Variants in ZNF516 observed in about 807,000 individuals in gnomAD.
ZNF516 encodes zinc finger protein 516.
A neutral mutation model predicts 79.7 loss-of-function variants in ZNF516; 19 were observed. That is an observed-to-expected ratio of 0.24 (90% CI 0.17 to 0.35). The LOEUF (loss-of-function observed/expected upper bound fraction) is 0.35, where lower values mean the gene tolerates loss of function less well. Among genes scored for constraint, ZNF516 ranks in the 10% least tolerant of loss-of-function variants. The probability of loss-of-function intolerance (pLI) is 1.00; values close to 1 mark genes in which losing one functional copy is unlikely to be tolerated. For synonymous variants in ZNF516, 877 were observed against 739.5 expected, an observed-to-expected ratio of 1.19 and a Z score of -3.02; for missense variants, 1,678 against 1,679.5, an observed-to-expected ratio of 1.00 and a Z score of 0.02.
chr18:76,439,681 T>G (rs1305612176), intron 3 of ZNF516, among the ~76,000 whole-genome samples: 1 of 152,160 alleles, frequency 6.6e-6, no homozygotes, highest in Non-Finnish European at 1.5e-5. Flanking sequence ...ATGAATCAGG[T>G]GACCACCATC....
At position 76,360,646 on chromosome 18, in the gene ZNF516, AATATATATATATATATATAT is replaced by A. The variant is rs61233300; in HGVS notation, c.*1832_*1851del. On this transcript the variant is annotated 3_prime_UTR_variant, in exon 7 of 7. Coordinates refer to ENST00000443185, the MANE Select transcript of ZNF516 (RefSeq NM_014643.4). ...AAAAAAATAAGTAAAAAAAAAAAAA[AATATATATATATATATATAT>A]ATATATATATATAAGCTAGCCAGTT... 1.4e-5 allele frequency: 1 copy of A among 72,494 alleles called. No individual in the cohort carries two copies. The highest frequency in any genetic ancestry group is 2.7e-5 in the Non-Finnish European group (1 of 36,934). 4.5% of individuals were successfully genotyped at this position (72,494 alleles called of 1,614,324 possible). A position where few individuals can be genotyped will look rare whatever the true frequency, so the allele number is the denominator to read the frequency against.
chr18:76,436,939 C>T (rs1001167100), intron 3 of ZNF516, among the ~76,000 whole-genome samples: 4 of 152,006 alleles, frequency 2.6e-5, no homozygotes, highest in African/African-American at 9.7e-5. Context: ...GTGTGGTGAC[C>T]GCCTGTAGTC....
chr18:76,412,346 A>G (rs2075381767), intron 3 of ZNF516, among the ~76,000 whole-genome samples: 1 of 151,856 alleles, frequency 6.6e-6, no homozygotes, highest in South Asian at 2.1e-4. Context: ...AAACAGGAAA[A>G]CCTGAAAACA....
intron 1 of ZNF516, among the ~76,000 whole-genome samples, chr18:76,482,559 A>G (rs369900307): frequency 9.4e-4 from 143 of 152,274 alleles, no homozygotes; most frequent in African/African-American, 3.3e-3. Context: ...TTCCAAGCGC[A>G]CTTAAGGTAG....
chr18:76,414,760 C>T (rs776587580), intron 3 of ZNF516, among the ~76,000 whole-genome samples: 21 of 152,234 alleles, frequency 1.4e-4, no homozygotes, highest in Non-Finnish European at 2.2e-4. Flanking sequence ...ATCATGTTCG[C>T]ACCAACTATG....
intron 4 of ZNF516, among the ~76,000 whole-genome samples, chr18:76,376,647 C>T (rs1322114740): frequency 6.6e-6 from 1 of 151,976 alleles, no homozygotes; most frequent in African/African-American, 2.4e-5. Flanking sequence ...AATTTCAAAA[C>T]CTGACCTTAA....
At chr18:76,444,162 A>T (rs1911900946) in intron 2 of ZNF516, among the ~76,000 whole-genome samples, 1 of 152,234 alleles carries the variant, frequency 6.6e-6, no homozygotes, top group African/African-American at 2.4e-5. Flanking sequence ...AGTAAGGTAA[A>T]GCAGCAGAAC....
At chr18:76,445,518 A>G (rs1599104468) in intron 2 of ZNF516, among the ~76,000 whole-genome samples, 1 of 152,310 alleles carries the variant, frequency 6.6e-6, no homozygotes, top group South Asian at 2.1e-4. Context: ...TATGAATGAA[A>G]CACACTATTT....
chr18:76,418,327 A>G (rs1422491232), intron 3 of ZNF516, among the ~76,000 whole-genome samples: 1 of 152,062 alleles, frequency 6.6e-6, no homozygotes, highest in East Asian at 1.9e-4. Flanking sequence ...TAACACACTA[A>G]CACACTATAA....
chr18:76,371,311 G>A (rs560452020), intron 5 of ZNF516, among the ~76,000 whole-genome samples, 156 bp downstream of exon 5: 1 of 152,338 alleles, frequency 6.6e-6, no homozygotes, highest in Non-Finnish European at 1.5e-5. Context: ...AGTGGGGGCG[G>A]CCTGTATACG....
rs574723333 is a variant in ZNF516 at position 76,379,336 on chromosome 18, G to C, written c.2778C>G (p.Ser926Arg). ...CGGTGGGCGTAGGGGTGGCGCTCCT[G>C]CTGAAGCCCCCGCCACCCGGGGCAG... ...PVPAPGGGGFSRSATPTPTVI... is the reference protein window; with the variant it reads ...PVPAPGGGGFRRSATPTPTVI... The change falls in exon 4 of 7, where the codon AGC becomes AGG. Residue 926 changes from serine to arginine, a missense_variant. This residue lies in a region of ZNF516 where 1,294 missense variants were observed against 1,248.3 expected (regional missense o/e 1.04). Coordinates refer to ENST00000443185, the MANE Select transcript of ZNF516 (RefSeq NM_014643.4). The C allele has an allele frequency of 5.6e-6, 9 of 1,594,722 alleles. No individual in the cohort carries two copies. In the African/African-American group the frequency reaches 1.1e-4, roughly 19 times the overall value.
At chr18:76,488,113 G>C (rs1914937921) in intron 1 of ZNF516, 1 of 984,658 alleles carries the variant, frequency 1.0e-6, no homozygotes, top group Non-Finnish European at 1.2e-6. Flanking sequence ...TACACGGGGA[G>C]ATGTATTCCA....
At chr18:76,386,445 G>GA (rs2074994039) in intron 3 of ZNF516, 1 of 152,364 alleles carries the variant, frequency 6.6e-6, no homozygotes, top group Non-Finnish European at 1.5e-5. Context: ...AAGGAAGGGG[G>GA]ATGGGAGGTG....
At chr18:76,457,754 C>T (rs1049926110) in intron 2 of ZNF516, among the ~76,000 whole-genome samples, 1 of 152,072 alleles carries the variant, frequency 6.6e-6, no homozygotes, top group Non-Finnish European at 1.5e-5. Flanking sequence ...GGGGCAACTC[C>T]CACCACTGAC....
At chr18:76,491,144 T>C (rs942854348) in intron 1 of ZNF516, 2 of 967,410 alleles carry the variant, frequency 2.1e-6, no homozygotes, top group African/African-American at 3.5e-5. Context: ...AAGTTTAAAA[T>C]AGAAACCAAT....
intron 4 of ZNF516, among the ~76,000 whole-genome samples, chr18:76,378,628 G>A (rs543013424): frequency 1.3e-5 from 2 of 152,334 alleles, no homozygotes; most frequent in African/African-American, 4.8e-5. Flanking sequence ...ACCAACCCCA[G>A]GCAGGCATTC....
At chr18:76,473,355 C>CAAAAAAAAAAAAAAAA (rs35092154) in intron 1 of ZNF516, among the ~76,000 whole-genome samples, 1 of 87,668 alleles carries the variant, frequency 1.1e-5, no homozygotes, top group Non-Finnish European at 2.1e-5. Flanking sequence ...TTGCTCTCTG[C>CAAAAAAAAAAAAAAAA]AAAAAAAAAA....
chr18:76,448,988 T>C (rs1912233174), intron 2 of ZNF516, among the ~76,000 whole-genome samples: 1 of 152,166 alleles, frequency 6.6e-6, no homozygotes, highest in Non-Finnish European at 1.5e-5. Context: ...CACACTGGTG[T>C]GGCTTGAATT....
At chr18:76,476,032 G>A (rs113813444) in intron 1 of ZNF516, among the ~76,000 whole-genome samples, 6 of 152,010 alleles carry the variant, frequency 3.9e-5, no homozygotes, top group Admixed American at 1.3e-4. Flanking sequence ...TTCCTCTTTC[G>A]ACTGTAAATA....
Sources: gnomAD v4.1 joint callset for allele counts (sites outside exome capture counted in the v4.1 genomes callset) on GRCh38, gnomAD v4.1.1 for gene constraint, gnomAD v4.1.1 regional missense constraint, MANE v1.5 for transcripts, NCBI Gene and HGNC (gene_info 2026-07-23, HGNC 2026-07-21) for gene names.